COL25A1: variants seen among roughly 807,000 people sequenced by gnomAD.
COL25A1 encodes collagen type XXV alpha 1 chain.
COL25A1 carries 103 observed loss-of-function variants against 128.4 expected under a neutral mutation model. The observed-to-expected ratio is 0.80, with a 90% CI of 0.68 to 0.94. The LOEUF is 0.94. COL25A1 is among the 40% of genes least tolerant of loss of function. COL25A1 has a pLI of 0.00. For synonymous variants in COL25A1, 279 were observed against 277.2 expected (o/e 1.01, Z -0.06); for missense variants, 745 against 840.0 (o/e 0.89, Z 1.40).
At chr4:108,992,873 A>T (rs527915447) in intron 6 of COL25A1, among the ~76,000 whole-genome samples, 1 of 148,862 alleles carries the variant, frequency 6.7e-6, no homozygotes, top group East Asian at 1.9e-4. Context: ...TAATTGACAG[A>T]GAAAATTATA....
At chr4:108,912,768 G>A (rs1442321813) in intron 13 of COL25A1, among the ~76,000 whole-genome samples, 1 of 152,148 alleles carries the variant, frequency 6.6e-6, no homozygotes. Context: ...GAAAGTCTGA[G>A]AGCTTCAATT....
intron 3 of COL25A1, among the ~76,000 whole-genome samples, chr4:109,088,378 T>A (rs1281207258): frequency 6.6e-6 from 1 of 152,204 alleles, no homozygotes; most frequent in African/African-American, 2.4e-5. Context: ...GGTTCTGAGA[T>A]CTTTTGTTTT....
chr4:109,227,668 C>T (rs1051581701), intron 3 of COL25A1, among the ~76,000 whole-genome samples: 3 of 151,852 alleles, frequency 2.0e-5, no homozygotes, highest in Non-Finnish European at 2.9e-5. Context: ...TTTCTGCAAG[C>T]GGACAATTTT....
chr4:109,296,080 A>G (rs1724951956), intron 3 of COL25A1, among the ~76,000 whole-genome samples: 1 of 152,070 alleles, frequency 6.6e-6, no homozygotes, highest in Non-Finnish European at 1.5e-5. Context: ...TAGAAGAATA[A>G]GCCATCATCC....
intron 6 of COL25A1, among the ~76,000 whole-genome samples, chr4:108,987,564 CG>C (rs766027885): frequency 5.5e-4 from 83 of 151,940 alleles, no homozygotes; most frequent in Non-Finnish European, 1.1e-3. Context: ...TTAGTAGAGA[CG>C]GGGTTTCACC....
chr4:109,000,743 C>CAAAAAAAAAAAAAA (rs1180104512), intron 6 of COL25A1, among the ~76,000 whole-genome samples: 6 of 36,422 alleles, frequency 1.6e-4, no homozygotes, highest in African/African-American at 5.1e-4. Context: ...GAGACTCTGT[C>CAAAAAAAAAAAAAA]AAAAAAAAAA....
At chr4:109,063,305 C>G (rs1162623928) in intron 3 of COL25A1, among the ~76,000 whole-genome samples, 2 of 151,946 alleles carry the variant, frequency 1.3e-5, no homozygotes, top group Non-Finnish European at 2.9e-5. Context: ...GAGTTTGAGA[C>G]CAGCCTGACC....
intron 5 of COL25A1, among the ~76,000 whole-genome samples, chr4:109,014,160 AGCTGGGCGTGGTGGCAC>A (rs1318558153): frequency 2.6e-5 from 4 of 152,062 alleles, no homozygotes; most frequent in African/African-American, 9.7e-5. Context: ...TACAAAAATT[AGCTGGGCGTGGTGGCAC>A]GCACCTGTAA....
intron 3 of COL25A1, among the ~76,000 whole-genome samples, chr4:109,259,970 C>T (rs1283998427): frequency 3.3e-5 from 5 of 152,184 alleles, no homozygotes; most frequent in Non-Finnish European, 7.3e-5. Flanking sequence ...ATTTAGTTTA[C>T]GACAAACAGG....
At chr4:109,137,982 A>ATGTGTGTGTGTGTGTGTGTG (rs1418865784) in intron 3 of COL25A1, among the ~76,000 whole-genome samples, 8 of 60,756 alleles carry the variant, frequency 1.3e-4, no homozygotes, top group African/African-American at 3.1e-4. Flanking sequence ...TTTTATATAT[A>ATGTGTGTGTGTGTGTGTGTG]TATGTGTGTG....
rs1431459795 is a variant in COL25A1 at position 109,226,025 on chromosome 4, ACAC to A, written c.367+74555_367+74557del. On this transcript the variant is annotated intron_variant, in intron 3 of 37. Coordinates refer to ENST00000399132, the MANE Select transcript of COL25A1 (RefSeq NM_198721.4). ...CACACACACACACACACACACACAC[ACAC>A]AACGGAATACTATTCAGCCATAAAA... Among the ~76,000 whole-genome samples the A allele has an allele frequency of 7.9e-5, 12 of 150,964 alleles. No homozygotes were observed. The South Asian group carries it at 8.4e-4, about 11-fold the overall frequency.
Position 109,301,738 on chromosome 4 carries a change from C to T in COL25A1, c.282G>A (p.Glu94=). 1.9e-6 allele frequency: 3 copies of T among 1,612,980 alleles called. No individual in the cohort carries two copies. The highest frequency in any genetic ancestry group is 2.2e-5 in the South Asian group (2 of 91,056). ...HLKTMVQEKV[E]RLLAQKSYEH... is the part of the protein sequence containing the mutation. ...CCTCTCACACCTGAGCCAGAAGTCG[C>T]TCCACTTTCTCTTGCACCATAGTCT... Residue 94 remains glutamate, a synonymous_variant, in exon 2 of 38, where the codon GAG becomes GAA. Transcript: ENST00000399132.
Position 109,217,118 on chromosome 4 carries a change from A to G in COL25A1, c.367+83465T>C, listed in dbSNP as rs1218615163. On this transcript the variant is annotated intron_variant, in intron 3 of 37. Transcript: ENST00000399132. ...ACAAATACTATCTTTGGGATGCCTA[A>G]CAACTTAAGAAATAGACAAATCTGA... Among the ~76,000 whole-genome samples, 7 of 151,784 alleles carry G rather than the reference A, an allele frequency of 4.6e-5. 2 individuals are homozygous for G. Among genetic ancestry groups the G allele is most frequent in the Admixed American group, 4.6e-4 (7 of 15,258 alleles).
At chr4:109,072,418 G>C (rs1763044979) in intron 3 of COL25A1, among the ~76,000 whole-genome samples, 1 of 152,162 alleles carries the variant, frequency 6.6e-6, no homozygotes, top group Non-Finnish European at 1.5e-5. Flanking sequence ...AGTTTTGAGA[G>C]AGTCAAACAA....
At chr4:108,968,402 A>T (rs1320035544) in intron 8 of COL25A1, among the ~76,000 whole-genome samples, 1 of 152,122 alleles carries the variant, frequency 6.6e-6, no homozygotes, top group African/African-American at 2.4e-5. Context: ...CCATGACTCC[A>T]AAACAGCAAA....
chr4:108,943,163 T>C (rs1279542397), intron 8 of COL25A1, among the ~76,000 whole-genome samples: 1 of 152,194 alleles, frequency 6.6e-6, no homozygotes, highest in Non-Finnish European at 1.5e-5. Flanking sequence ...AAGAGTTTGC[T>C]ACACGAAGCA....
At chr4:109,202,712 A>G (rs1429649349) in intron 3 of COL25A1, among the ~76,000 whole-genome samples, 1 of 152,230 alleles carries the variant, frequency 6.6e-6, no homozygotes, top group Non-Finnish European at 1.5e-5. Context: ...AAAAATATTT[A>G]CAAAATAGAT....
At chr4:108,952,148 A>C (rs552736541) in intron 8 of COL25A1, among the ~76,000 whole-genome samples, 1 of 152,340 alleles carries the variant, frequency 6.6e-6, no homozygotes, top group African/African-American at 2.4e-5. Context: ...ATTATATATT[A>C]TAATTTATAC....
intron 6 of COL25A1, among the ~76,000 whole-genome samples, chr4:108,984,914 T>G (rs576162374): frequency 6.4e-4 from 97 of 152,326 alleles, no homozygotes; most frequent in African/African-American, 2.3e-3. Flanking sequence ...CTGTCACCTC[T>G]CAGTATGTAG....
Sources: gnomAD v4.1 joint callset for allele counts (sites outside exome capture counted in the v4.1 genomes callset) on GRCh38, gnomAD v4.1.1 for gene constraint, MANE v1.5 for transcripts, NCBI Gene and HGNC (gene_info 2026-07-23, HGNC 2026-07-21) for gene names.